Variants in SGMS1 observed in about 807,000 individuals in gnomAD.
SGMS1 encodes phosphatidylcholine:ceramide cholinephosphotransferase 1.
Under a neutral mutation model 46.2 loss-of-function variants are expected in SGMS1, and 13 were observed. The ratio of observed to expected loss-of-function variants is 0.28; its 90% confidence interval spans 0.18 to 0.45. The LOEUF (loss-of-function observed/expected upper bound fraction) is 0.45. SGMS1 is among the 20% of genes least tolerant of loss of function. SGMS1 has a pLI of 1.00. For missense variants in SGMS1, 324 were observed against 519.9 expected, an observed-to-expected ratio of 0.62 and a Z score of 3.66; for synonymous variants, 203 against 187.8, an observed-to-expected ratio of 1.08 and a Z score of -0.66.
intron 8 of SGMS1, among the ~76,000 whole-genome samples, chr10:50,314,032 A>G (rs1847300845): frequency 6.6e-6 from 1 of 152,154 alleles, no homozygotes; most frequent in Non-Finnish European, 1.5e-5. Flanking sequence ...CAAATTACAA[A>G]ACAGTTGCAG....
chr10:50,345,178 T>C (rs1847896640), intron 6 of SGMS1, among the ~76,000 whole-genome samples: 1 of 151,754 alleles, frequency 6.6e-6, no homozygotes, highest in Non-Finnish European at 1.5e-5. Flanking sequence ...AGGTCCCAAA[T>C]AGATAAAAGA....
chr10:50,544,636 G>A (rs148698227), intron 2 of SGMS1, among the ~76,000 whole-genome samples: 19 of 152,312 alleles, frequency 1.2e-4, no homozygotes, highest in African/African-American at 4.6e-4. Flanking sequence ...ACTGAAGTAG[G>A]TTCTTTGTAC....
At chr10:50,616,178 T>C (rs1588893846) in intron 1 of SGMS1, among the ~76,000 whole-genome samples, 2 of 152,324 alleles carry the variant, frequency 1.3e-5, no homozygotes, top group South Asian at 2.1e-4. Context: ...TACAGTGGCA[T>C]GGTCACAGCT....
intron 3 of SGMS1, among the ~76,000 whole-genome samples, chr10:50,468,884 CA>C (rs1437955599): frequency 2.6e-5 from 4 of 152,218 alleles, no homozygotes; most frequent in African/African-American, 9.6e-5. Flanking sequence ...CACTGGTGAA[CA>C]CAAAGTAGTA....
intron 2 of SGMS1, among the ~76,000 whole-genome samples, chr10:50,532,176 T>C (rs1462005343): frequency 6.6e-6 from 1 of 151,922 alleles, no homozygotes; most frequent in African/African-American, 2.4e-5. Flanking sequence ...CCCAGAGATA[T>C]GTCCCTTAGG....
chr10:50,457,742 A>G (rs146235415), intron 5 of SGMS1, among the ~76,000 whole-genome samples: 1 of 152,312 alleles, frequency 6.6e-6, no homozygotes, highest in East Asian at 1.9e-4. Context: ...AAAGGACATG[A>G]TTTCATTCTT....
chr10:50,386,133 A>G (rs10763382), intron 6 of SGMS1, among the ~76,000 whole-genome samples: 25,178 of 152,178 alleles, frequency 0.17, 2,565 homozygotes, highest in East Asian at 0.26. Flanking sequence ...ACACTGAAGA[A>G]ACTGGAAAAT....
rs1225773535 is a variant in SGMS1 at position 50,562,370 on chromosome 10, A to G, written c.-589+27783T>C. 2.2e-4 allele frequency among the ~76,000 whole-genome samples: 32 copies of G among 147,272 alleles called. 1 individual carries two copies. In the South Asian group the frequency reaches 4.7e-3, roughly 22 times the overall value. On this transcript the variant is annotated intron_variant, in intron 2 of 10. Coordinates refer to ENST00000361781, the MANE Select transcript of SGMS1 (RefSeq NM_147156.4). Reference sequence around the variant, plus strand: ...TGTGTGTGTGTGCGCGCGCGCACACACACACACTCACACACGGGCGCGCAT... The same window carrying G: ...TGTGTGTGTGTGCGCGCGCGCACACGCACACACTCACACACGGGCGCGCAT...
At chr10:50,593,598 G>T (rs1838562868) in intron 1 of SGMS1, among the ~76,000 whole-genome samples, 1 of 151,586 alleles carries the variant, frequency 6.6e-6, no homozygotes, top group Admixed American at 6.6e-5. Flanking sequence ...TTCACCACTA[G>T]CCTGAATTTT....
At chr10:50,369,276 T>C (rs776202153) in intron 6 of SGMS1, among the ~76,000 whole-genome samples, 4 of 152,166 alleles carry the variant, frequency 2.6e-5, no homozygotes, top group African/African-American at 4.8e-5. Flanking sequence ...AGCAGGAGTA[T>C]TGTTTGAGCC....
intron 6 of SGMS1, among the ~76,000 whole-genome samples, chr10:50,426,631 C>A (rs1183936055): frequency 6.6e-6 from 1 of 152,088 alleles, no homozygotes; most frequent in African/African-American, 2.4e-5. Flanking sequence ...ATAAATTAAC[C>A]CTGTGCCTTT....
At chr10:50,414,334 G>A (rs1451324932) in intron 6 of SGMS1, among the ~76,000 whole-genome samples, 1 of 152,216 alleles carries the variant, frequency 6.6e-6, no homozygotes, top group East Asian at 1.9e-4. Flanking sequence ...AGGTTGCAGT[G>A]AGTCGAGATC....
intron 6 of SGMS1, among the ~76,000 whole-genome samples, chr10:50,421,800 G>A (rs969136209): frequency 5.3e-5 from 8 of 152,078 alleles, no homozygotes; most frequent in Non-Finnish European, 7.4e-5. Flanking sequence ...CTTTCACATT[G>A]TAGTTGGGAG....
At chr10:50,479,875 T>A (rs187863996) in intron 3 of SGMS1, among the ~76,000 whole-genome samples, 3 of 152,322 alleles carry the variant, frequency 2.0e-5, no homozygotes, top group Admixed American at 2.0e-4. Flanking sequence ...TCTTGATTTC[T>A]ACAACTGAAG....
At chr10:50,440,953 C>G (rs915602413) in intron 5 of SGMS1, among the ~76,000 whole-genome samples, 4 of 152,206 alleles carry the variant, frequency 2.6e-5, no homozygotes, top group Admixed American at 6.5e-5. Context: ...TTCATTGAAT[C>G]ATGCCAAGAG....
intron 4 of SGMS1, among the ~76,000 whole-genome samples, chr10:50,466,287 C>A (rs188014619): frequency 6.6e-4 from 100 of 151,212 alleles, no homozygotes; most frequent in African/African-American, 2.2e-3. Context: ...CATGCAATTA[C>A]CTCTAAACAA....
At chr10:50,442,663 C>T (rs1160959328) in intron 5 of SGMS1, among the ~76,000 whole-genome samples, 1 of 152,138 alleles carries the variant, frequency 6.6e-6, no homozygotes, top group Admixed American at 6.6e-5. Flanking sequence ...GTGCATGTGT[C>T]TTTGTAATAG....
intron 7 of SGMS1, among the ~76,000 whole-genome samples, chr10:50,337,349 C>T (rs1213905728): frequency 1.3e-5 from 2 of 152,062 alleles, no homozygotes; most frequent in Non-Finnish European, 2.9e-5. Context: ...CAATTATGGT[C>T]CCACAGTATA....
At chr10:50,581,330 C>G (rs2131877029) in intron 2 of SGMS1, among the ~76,000 whole-genome samples, 1 of 152,304 alleles carries the variant, frequency 6.6e-6, no homozygotes, top group East Asian at 1.9e-4. Flanking sequence ...TTGTGCCACT[C>G]AGCCATATCC....
Sources: gnomAD v4.1 joint callset for allele counts (sites outside exome capture counted in the v4.1 genomes callset) on GRCh38, gnomAD v4.1.1 for gene constraint, MANE v1.5 for transcripts, NCBI Gene and HGNC (gene_info 2026-07-23, HGNC 2026-07-21) for gene names.